Variants in C19orf25 observed in about 807,000 individuals in gnomAD.
C19orf25 encodes chromosome 19 open reading frame 25, also known as UPF0449 protein C19orf25.
Under a neutral mutation model 3.1 loss-of-function variants are expected in C19orf25, and 1 was observed. That is an observed-to-expected ratio of 0.32 (90% CI 0.12 to 1.54). The LOEUF is 1.54. Among genes scored for constraint, C19orf25 ranks in the 40% most tolerant of loss-of-function variants. The probability of loss-of-function intolerance (pLI) is 0.38; values close to 1 mark genes in which losing one functional copy is unlikely to be tolerated. For missense variants in C19orf25, 196 were observed against 160.4 expected (o/e 1.22, Z -1.20); for synonymous variants, 91 against 74.3 (o/e 1.23, Z -1.16).
chr19:1,475,370 C>T (rs2084194931), intron 2 of C19orf25, 112 bp from the exon 3 acceptor site: 1 of 1,104,370 alleles, frequency 9.1e-7, no homozygotes, highest in Admixed American at 2.8e-5. Flanking sequence ...GTGAGCTTGC[C>T]AGCCGGGGTC....
In C19orf25 at chr19:1,478,851, G is replaced by T. The variant is rs753472578; in HGVS notation, c.53C>A (p.Pro18His). The stretch of plus-strand genomic sequence containing the variant: ...ATCCTCCAGGATCTGCTCCACCGTG[G>T]GGGGCGCTGGGCGGGTGGGCAGCAG... ...RVLLPTRPAP[P>H]TVEQILEDVR... Residue 18 changes from proline to histidine, a missense_variant, in exon 2 of 3, where the codon CCC (proline) becomes CAC (histidine). Coordinates refer to ENST00000585675, the MANE Select transcript of C19orf25 (RefSeq NM_152482.3). The T allele has an allele frequency of 6.3e-6, 10 of 1,595,312 alleles. No individual in the cohort carries two copies. The South Asian group carries it at 9.1e-5, about 15-fold the overall frequency.
chr19:1,477,086 G>A (rs1317368088), intron 2 of C19orf25, among the ~76,000 whole-genome samples: 3 of 149,724 alleles, frequency 2.0e-5, no homozygotes, highest in Admixed American at 1.3e-4. Context: ...TGCAACCTCC[G>A]CCTCCTGGGT....
chr19:1,476,912 G>A (rs1017062825), intron 2 of C19orf25, among the ~76,000 whole-genome samples: 1 of 151,156 alleles, frequency 6.6e-6, no homozygotes. Flanking sequence ...CACTGCACCT[G>A]GCCCCAGAAT....
rs1194046542 is a variant in C19orf25, at chr19:1,478,679, G to A, written c.130+95C>T. 6.6e-6 allele frequency: 10 copies of A among 1,514,992 alleles called. No homozygotes were observed. The East Asian group carries it at 1.0e-4, about 15-fold the overall frequency. 93.8% of individuals were successfully genotyped at this position (1,514,992 alleles called of 1,614,324 possible). A position where few individuals can be genotyped will look rare whatever the true frequency, so the allele number is the denominator to read the frequency against. ...CGTGCCCATGTTGCGGGGGTTCCCA[G>A]GGCGTGGGGTCAGGAGTTAGGGGTG... On this transcript the variant is annotated intron_variant, in intron 2 of 2. Transcript: ENST00000585675.
At position 1,475,042 on chromosome 19, in the gene C19orf25, G is replaced by A. The variant is rs1004974955; in HGVS notation, c.347C>T (p.Ser116Phe). 4.4e-6 allele frequency: 7 copies of A among 1,591,886 alleles called. No homozygotes were observed. The highest frequency in any genetic ancestry group is 6.0e-6 in the Non-Finnish European group (7 of 1,171,774). ...GCAGGCCCCGAGAGGTCAGCCTGAG[G>A]AGGCAGCCTCGGCTGCCGGTAATGC... Reference protein sequence around the residue: ...QAALPAAEAASSG With the variant: ...QAALPAAEAAFSG The change falls in exon 3 of 3, where the codon TCC becomes TTC. Residue 116 changes from serine (S) to phenylalanine (F), a missense_variant. Transcript: ENST00000585675.
Position 1,474,902 on chromosome 19 carries a change from G to A in C19orf25, c.*130C>T. 1 of 1,519,848 alleles carries A rather than the reference G, an allele frequency of 6.6e-7. No individual in the cohort carries two copies. The highest frequency in any genetic ancestry group is 1.2e-5 in the South Asian group (1 of 83,366). 94.1% of individuals were successfully genotyped at this position (1,519,848 alleles called of 1,614,324 possible). ...GGATGAACCGCAGCCCCAGCATCAG[G>A]AGGGGCGCCTGTGTCAACACCCACG... On this transcript the variant is annotated 3_prime_UTR_variant, in exon 3 of 3. Coordinates refer to ENST00000585675, the MANE Select transcript of C19orf25 (RefSeq NM_152482.3).
At position 1,478,334 on chromosome 19, in the gene C19orf25, G is replaced by A. The variant is rs1464620571; in HGVS notation, c.130+440C>T. ...CGGCTCACTGCAAACTCTGCATCCC[G>A]GGTTCAAGCGATTCTCCTGCCTCAG... is the stretch of plus-strand genomic sequence containing the variant. On this transcript the variant is annotated intron_variant, in intron 2 of 2. Transcript: ENST00000585675. The A allele has an allele frequency of 2.0e-5, 5 of 249,410 alleles. No homozygotes were observed. The South Asian group carries it at 3.6e-4, about 18-fold the overall frequency. The allele number at this position is 249,410 out of a possible 1,614,324, so 15.4% of individuals were successfully genotyped here.
rs772317463 is a variant in C19orf25, at chr19:1,478,725, G to A, written c.130+49C>T. The A allele has an allele frequency of 2.7e-5, 41 of 1,536,088 alleles. No individual in the cohort carries two copies. The African/African-American group carries it at 5.4e-4, about 20-fold the overall frequency. On this transcript the variant is annotated intron_variant, in intron 2 of 2. Transcript: ENST00000585675. ...GGGTGTGCTTCTCTCCCGTCCCCTT[G>A]CTGCCGGGGTCTCAGGTCCGCTTTT...
chr19:1,475,672 G>C (rs1157817171), intron 2 of C19orf25: 2 of 188,002 alleles, frequency 1.1e-5, no homozygotes. Context: ...CTGGGTGACA[G>C]AATGAGACCC....
In C19orf25 at chr19:1,475,116, C is replaced by A; in HGVS notation, c.273G>T (p.Gln91His). 1 of 1,603,966 alleles carries A rather than the reference C, an allele frequency of 6.2e-7. No homozygotes were observed. The highest frequency in any genetic ancestry group is 8.5e-7 in the Non-Finnish European group (1 of 1,176,324). Residue 91 changes from glutamine to histidine, a missense_variant, in exon 3 of 3, where the codon CAG becomes CAT. Physicochemically the swap from Gln to His is conservative, Grantham distance 24 (BLOSUM62 0). Transcript: ENST00000585675. The stretch of plus-strand genomic sequence containing the variant: ...CCCGCTCCAGGTCCTCGCCGGCTCG[C>A]TGCAGGAGCTCACACCTCTGCCTCA... ...NVLRQRCELLQRAGEDLEREV... is the reference protein window; with the variant it reads ...NVLRQRCELLHRAGEDLEREV...
chr19:1,476,509 C>T (rs904616166), intron 2 of C19orf25: 23 of 388,330 alleles, frequency 5.9e-5, no homozygotes, highest in African/African-American at 3.1e-4. Context: ...ACTCATGCAC[C>T]TTGACCAGTA....
At chr19:1,476,053 T>C (rs1599177150) in intron 2 of C19orf25, 1 of 396,434 alleles carries the variant, frequency 2.5e-6, no homozygotes, top group African/African-American at 2.1e-5. Context: ...GTGGCGAAGG[T>C]GAGAGGTGGG....
intron 2 of C19orf25, among the ~76,000 whole-genome samples, chr19:1,477,423 C>A (rs947778274): frequency 4.6e-5 from 7 of 152,230 alleles, no homozygotes; most frequent in African/African-American, 1.7e-4. Context: ...AGGAAGTGCT[C>A]AAGAAAAGGA....
At chr19:1,477,261 C>T (rs1420877611) in intron 2 of C19orf25, among the ~76,000 whole-genome samples, 1 of 152,182 alleles carries the variant, frequency 6.6e-6, no homozygotes, top group African/African-American at 2.4e-5. Context: ...CTCAGCCACC[C>T]AAAGTGCTGG....
At chr19:1,478,623 G>A (rs1251161678) in intron 2 of C19orf25, 151 bp downstream of exon 2, 22 of 1,437,210 alleles carry the variant, frequency 1.5e-5, no homozygotes, top group South Asian at 1.2e-4. Context: ...CTCTACGGAG[G>A]AGTAGAGGGA....
In C19orf25 at chr19:1,478,889, T is replaced by G. The variant is rs551349024; in HGVS notation, c.15A>C (p.Ala5=). The G allele has an allele frequency of 1.4e-5, 23 of 1,595,832 alleles. No homozygotes were observed. The Middle Eastern group carries it at 9.2e-4, about 64-fold the overall frequency. Residue 5 remains alanine (A), a synonymous_variant, in exon 2 of 3, where the codon GCA becomes GCC. Coordinates refer to ENST00000585675, the MANE Select transcript of C19orf25 (RefSeq NM_152482.3). The part of the protein sequence containing the change: MGSK[A]KKRVLLPTRP... Reference sequence around the variant, plus strand: ...GGGTGGGCAGCAGCACGCGCTTCTTTGCCTTGGAGCCCATCTCTGAAGGCG... The same window carrying G: ...GGGTGGGCAGCAGCACGCGCTTCTTGGCCTTGGAGCCCATCTCTGAAGGCG...
rs373532082 is a variant in C19orf25, at chr19:1,479,150, G to T, written c.-3+13C>A. ...TTTCCCCGCGGTCACCCCAGTCGCC[G>T]GCCTCTTCCCACCTGGGCGCGGGAC... On this transcript the variant is annotated intron_variant, in intron 1 of 2. Transcript: ENST00000585675. The T allele has an allele frequency of 3.8e-5, 49 of 1,291,700 alleles. No individual in the cohort carries two copies. The African/African-American group carries it at 5.4e-4, about 14-fold the overall frequency. The allele number at this position is 1,291,700 out of a possible 1,614,324, so 80.0% of individuals were successfully genotyped here.
Position 1,478,831 on chromosome 19 carries a change from C to G in C19orf25, c.73G>C (p.Glu25Gln), listed in dbSNP as rs1467830197. The G allele has an allele frequency of 1.9e-6, 3 of 1,596,004 alleles. No homozygotes were observed. The highest frequency in any genetic ancestry group is 2.6e-6 in the Non-Finnish European group (3 of 1,172,534). Residue 25 changes from glutamate to glutamine, a missense_variant, in exon 2 of 3, where the codon GAG becomes CAG. Physicochemically the swap from Glu to Gln is conservative, Grantham distance 29. Coordinates refer to ENST00000585675, the MANE Select transcript of C19orf25 (RefSeq NM_152482.3). ...PAPPTVEQIL[E>Q]DVRGAPAEDP... The stretch of plus-strand genomic sequence containing the variant: ...TCTGCCGGCGCACCCCGCACATCCT[C>G]CAGGATCTGCTCCACCGTGGGGGGC...
intron 2 of C19orf25, chr19:1,475,896 C>A (rs1057441570): frequency 6.9e-6 from 2 of 288,174 alleles, no homozygotes; most frequent in Non-Finnish European, 1.3e-5. Flanking sequence ...CCTGCAAAAG[C>A]CGTGGCACCC....
Sources: allele counts gnomAD v4.1 joint callset (sites outside exome capture counted in the v4.1 genomes callset), GRCh38; gene constraint gnomAD v4.1.1; transcripts MANE v1.5; gene names NCBI Gene and HGNC (gene_info 2026-07-23, HGNC 2026-07-21).